The following CELF2 variants were observed in gnomAD, a reference collection of about 807,000 sequenced individuals.
The protein encoded by CELF2 is CUGBP Elav-like family member 2.
A neutral mutation model predicts 62.6 loss-of-function variants in CELF2; 8 were observed. The ratio of observed to expected loss-of-function variants is 0.13; its 90% CI spans 0.07 to 0.23. The LOEUF is 0.23. Among genes scored for constraint, CELF2 ranks in the 10% least tolerant of loss-of-function variants. CELF2 has a pLI of 1.00. For synonymous variants in CELF2, 258 were observed against 250.0 expected (o/e 1.03, Z -0.30); for missense variants, 333 against 671.0 (o/e 0.50, Z 5.56).
chr10:11,168,239 A>G (rs999704413), intron 2 of CELF2, among the ~76,000 whole-genome samples: 2 of 152,202 alleles, frequency 1.3e-5, no homozygotes, highest in African/African-American at 4.8e-5. Flanking sequence ...ACCTTTGGAA[A>G]TACAGGTCAA....
chr10:11,100,013 C>A (rs1006403651), intron 1 of CELF2, among the ~76,000 whole-genome samples: 23 of 151,890 alleles, frequency 1.5e-4, no homozygotes, highest in African/African-American at 5.3e-4. Flanking sequence ...TCAGCCTAGC[C>A]AACATGGCGA....
intron 2 of CELF2, among the ~76,000 whole-genome samples, chr10:10,985,093 A>G (rs2052577662): frequency 6.6e-6 from 1 of 152,132 alleles, no homozygotes; most frequent in Non-Finnish European, 1.5e-5. Context: ...AATTAGGAAA[A>G]TTTCGTTCTA....
intron 1 of CELF2, among the ~76,000 whole-genome samples, chr10:11,009,011 G>T (rs911293226): frequency 2.1e-5 from 3 of 143,822 alleles, no homozygotes; most frequent in East Asian, 2.2e-4. Flanking sequence ...TTTGCGGGGG[G>T]GGGGGGGGAG....
chr10:10,626,500 G>A, the CELF2 span, among the ~76,000 whole-genome samples: 3 of 152,000 alleles, frequency 2.0e-5, no homozygotes, highest in African/African-American at 7.2e-5. Context: ...TACTGATAAA[G>A]CTTTCATAGG....
At chr10:11,120,490 T>C (rs972969192) in intron 1 of CELF2, among the ~76,000 whole-genome samples, 6 of 152,192 alleles carry the variant, frequency 3.9e-5, no homozygotes, top group South Asian at 2.1e-4. Flanking sequence ...CTTCTTGTTA[T>C]TTAGAGACAT....
intron 2 of CELF2, among the ~76,000 whole-genome samples, chr10:10,954,662 T>C (rs2048710748): frequency 6.6e-6 from 1 of 152,250 alleles, no homozygotes; most frequent in Non-Finnish European, 1.5e-5. Flanking sequence ...AAAAGTTATC[T>C]AATCCTGCAC....
chr10:11,321,022 A>G lies in CELF2; in HGVS notation c.1097-167A>G. The stretch of plus-strand genomic sequence containing the variant: ...GCTTAGGTCATTTTCCCCCATTATC[A>G]CGATTTATTTCTTCATGGTTTCATT... On this transcript the variant is annotated intron_variant, in intron 10 of 12. Transcript: ENST00000633077. This position sits in a 1 kb window ranked among gnomAD's most constrained non-coding sequence, Gnocchi z 6.2. 1 of 1,333,612 alleles carries G rather than the reference A, an allele frequency of 7.5e-7. No homozygotes were observed. Among genetic ancestry groups the G allele is most frequent in the Non-Finnish European group, 1.0e-6 (1 of 968,392 alleles). 82.6% of individuals were successfully genotyped at this position (1,333,612 alleles called of 1,614,324 possible). A position where few individuals can be genotyped will look rare whatever the true frequency, so the allele number is the denominator to read the frequency against.
chr10:11,018,122 G>A lies in CELF2; in HGVS notation c.33G>A (p.Pro11=), dbSNP rs763716300. The A allele has an allele frequency of 8.6e-6, 13 of 1,515,446 alleles. No individual in the cohort carries two copies. The highest frequency in any genetic ancestry group is 2.0e-5 in the Admixed American group (1 of 49,140). 93.9% of individuals were successfully genotyped at this position (1,515,446 alleles called of 1,614,324 possible). A position where few individuals can be genotyped will look rare whatever the true frequency, so the allele number is the denominator to read the frequency against. The part of the protein sequence containing the change: MTSAFKLDFL[P]DMMVEGRLLV... ...CTGCCTTCAAGCTGGATTTCCTCCCGGACATGATGGTCGAGGGCCGCCTGC... is the reference window on the plus strand; with the variant it reads ...CTGCCTTCAAGCTGGATTTCCTCCCAGACATGATGGTCGAGGGCCGCCTGC... Residue 11 remains proline, a synonymous_variant, in exon 1 of 13, where the codon CCG becomes CCA. Transcript: ENST00000633077.
At chr10:11,196,513 C>A in intron 2 of CELF2, among the ~76,000 whole-genome samples, 1 of 151,792 alleles carries the variant, frequency 6.6e-6, no homozygotes, top group Non-Finnish European at 1.5e-5. Flanking sequence ...AAAAAAATAA[C>A]AAAATTAGCC....
chr10:10,961,567 C>T (rs1439966467), intron 2 of CELF2, among the ~76,000 whole-genome samples: 1 of 149,420 alleles, frequency 6.7e-6, no homozygotes, highest in African/African-American at 2.5e-5. Context: ...GGCAACATGG[C>T]AAAACCCCAT....
At position 11,213,627 on chromosome 10, in the gene CELF2, G is replaced by C. The variant is rs372297941; in HGVS notation, c.272-3798G>C. 1.4e-3 allele frequency among the ~76,000 whole-genome samples: 210 copies of C among 152,222 alleles called. 2 individuals carry two copies. The highest frequency in any genetic ancestry group is 4.9e-3 in the African/African-American group (204 of 41,524). On this transcript the variant is annotated intron_variant, in intron 2 of 12. Transcript: ENST00000633077. ...TACAGGAGCATATTAAGTGATAGGTGGATAAAAAGACTATGGTTGTTAACT... is the reference window on the plus strand; with the variant it reads ...TACAGGAGCATATTAAGTGATAGGTCGATAAAAAGACTATGGTTGTTAACT...
chr10:11,153,710 T>C (rs1480592724), intron 1 of CELF2, among the ~76,000 whole-genome samples: 1 of 152,256 alleles, frequency 6.6e-6, no homozygotes, highest in Non-Finnish European at 1.5e-5. Context: ...CGTGATCTTA[T>C]TTGGATCCAA....
the CELF2 span, among the ~76,000 whole-genome samples, chr10:10,769,746 A>AGAGTGCAACTGTTG: frequency 1.3e-5 from 2 of 151,618 alleles, no homozygotes; most frequent in South Asian, 4.2e-4. Flanking sequence ...CCTGGGCGAC[A>AGAGTGCAACTGTTG]GAGCAAGACT....
chr10:11,104,173 G>A (rs547106453), intron 1 of CELF2, among the ~76,000 whole-genome samples: 2 of 152,210 alleles, frequency 1.3e-5, no homozygotes, highest in African/African-American at 4.8e-5. Context: ...TATATTTGGA[G>A]GAAGGTAATT....
chr10:11,151,091 G>A (rs750751195), intron 1 of CELF2, among the ~76,000 whole-genome samples: 9 of 152,204 alleles, frequency 5.9e-5, no homozygotes, highest in Non-Finnish European at 1.2e-4. Context: ...AGAAAGGCAT[G>A]CTGTTTGTAG....
chr10:10,557,452 T>G, the CELF2 span, among the ~76,000 whole-genome samples: 3 of 139,022 alleles, frequency 2.2e-5, no homozygotes, highest in Non-Finnish European at 4.6e-5. Context: ...CAGTAAAGTT[T>G]GAAGTCAGGT....
intron 1 of CELF2, among the ~76,000 whole-genome samples, chr10:10,854,390 G>A (rs1236392134): frequency 6.6e-6 from 1 of 152,170 alleles, no homozygotes; most frequent in Non-Finnish European, 1.5e-5. Context: ...AAGAGGTTTT[G>A]CCAAACCTAC....
the CELF2 span, among the ~76,000 whole-genome samples, chr10:10,496,561 A>G: frequency 8.5e-5 from 13 of 152,304 alleles, no homozygotes; most frequent in South Asian, 2.1e-4. Flanking sequence ...GGATGAAAAG[A>G]TGGAGGGTGG....
At position 11,023,120 on chromosome 10, in the gene CELF2, G is replaced by A. The variant is rs540030856; in HGVS notation, c.74+4957G>A. Among the ~76,000 whole-genome samples, 9 of 152,132 alleles carry A rather than the reference G, an allele frequency of 5.9e-5. No homozygotes were observed. In the South Asian group the frequency reaches 1.9e-3, roughly 32 times the overall value. On this transcript the variant is annotated intron_variant, in intron 1 of 12. Coordinates refer to ENST00000633077, the MANE Select transcript of CELF2 (RefSeq NM_001326342.2). The stretch of plus-strand genomic sequence containing the variant: ...GGTCACATTTTCGCTTTTTGTTTTC[G>A]GATTAGGCCATCACAAAGAGTTAGA...
Sources: allele counts gnomAD v4.1 joint callset (sites outside exome capture counted in the v4.1 genomes callset), GRCh38; gene constraint gnomAD v4.1.1; non-coding constraint Gnocchi (gnomAD v3.1); transcripts MANE v1.5; gene names NCBI Gene and HGNC (gene_info 2026-07-23, HGNC 2026-07-21).